The following SPINT4 variants were observed in gnomAD, a reference collection of about 807,000 sequenced individuals.
SPINT4 encodes the protein kunitz-type protease inhibitor 4.
A neutral mutation model predicts 9.4 loss-of-function variants in SPINT4; 7 were observed. The ratio of observed to expected loss-of-function variants is 0.74; its 90% CI spans 0.42 to 1.40. The LOEUF (loss-of-function observed/expected upper bound fraction) is 1.40, where lower values mean the gene tolerates loss of function less well. Ranked by LOEUF, SPINT4 falls within the 40% of genes most tolerant of loss-of-function variation. The pLI is 0.01. For synonymous variants in SPINT4, 36 were observed against 39.9 expected (o/e 0.90, Z 0.37); for missense variants, 105 against 114.4 (o/e 0.92, Z 0.37).
chr20:45,723,809 G>A, intron 1 of SPINT4, 71 bp from the exon 2 acceptor site: 2 of 1,282,532 alleles, frequency 1.6e-6, no homozygotes, highest in East Asian at 5.2e-5. Flanking sequence ...ATTTTTAAGG[G>A]CCCATAAAGA....
chr20:45,723,831 G>A, intron 1 of SPINT4, 49 bp from the exon 2 acceptor site: 2 of 1,474,622 alleles, frequency 1.4e-6, no homozygotes, highest in South Asian at 2.8e-5. Flanking sequence ...AAGTTCTCCT[G>A]CTGAGTCCTT....
At chr20:45,722,526 A>C (rs1339081035) in intron 1 of SPINT4, 44 bp downstream of exon 1, 1 of 1,396,164 alleles carries the variant, frequency 7.2e-7, no homozygotes, top group East Asian at 2.3e-5. Context: ...TCAATTATGA[A>C]TGAGAGAGAA....
chr20:45,723,807 G>A (rs1984858540), intron 1 of SPINT4, 73 bp from the exon 2 acceptor site: 2 of 1,265,620 alleles, frequency 1.6e-6, no homozygotes, highest in South Asian at 1.6e-5. Context: ...GAATTTTTAA[G>A]GGCCCATAAA....
chr20:45,723,352 G>A (rs1035599294), intron 1 of SPINT4, among the ~76,000 whole-genome samples: 1 of 152,054 alleles, frequency 6.6e-6, no homozygotes, highest in Admixed American at 6.6e-5. Flanking sequence ...GAGGATGAAC[G>A]AGCATCACCC....
At chr20:45,722,641 A>AG (rs1397788862) in intron 1 of SPINT4, among the ~76,000 whole-genome samples, 159 bp downstream of exon 1, 1 of 152,084 alleles carries the variant, frequency 6.6e-6, no homozygotes, top group Non-Finnish European at 1.5e-5. Context: ...TACTTACACT[A>AG]GGGGTCCTCT....
intron 2 of SPINT4, among the ~76,000 whole-genome samples, chr20:45,725,053 T>A (rs1273964347): frequency 7.0e-6 from 1 of 143,762 alleles, no homozygotes; most frequent in Non-Finnish European, 1.5e-5. Flanking sequence ...ATTATTTTTA[T>A]GTGACAGATG....
In SPINT4 at chr20:45,722,407, A is replaced by G. The variant is rs1353958676; in HGVS notation, c.40A>G (p.Ile14Val). 3 of 1,613,680 alleles carry G rather than the reference A, an allele frequency of 1.9e-6. No individual in the cohort carries two copies. The highest frequency in any genetic ancestry group is 1.7e-5 in the Admixed American group (1 of 60,002). ...AKLGFLLRFF[I>V]FCSLNTLLLG... Reference sequence around the variant, plus strand: ...GCTGGGATTTCTTCTAAGATTCTTCATCTTCTGCTCATTGAATACCCTGTT... The same window carrying G: ...GCTGGGATTTCTTCTAAGATTCTTCGTCTTCTGCTCATTGAATACCCTGTT... The change falls in exon 1 of 3, where the codon ATC becomes GTC. Residue 14 changes from isoleucine to valine, a missense_variant. Transcript: ENST00000279058.
rs6032474 is a variant in SPINT4, at chr20:45,725,733, G to A, written c.*98G>A. ...GAAATCTTTGTAATATTTCCATAAT[G>A]CTTTAAGCTTCCATATGTTTGCTAT... On this transcript the variant is annotated 3_prime_UTR_variant, in exon 3 of 3. Transcript: ENST00000279058. 589,991 of 1,481,854 alleles carry A rather than the reference G, an allele frequency of 0.4. 124,947 individuals carry two copies. The highest frequency in any genetic ancestry group is 0.68 in the African/African-American group (49,135 of 72,412). The allele number at this position is 1,481,854 out of a possible 1,614,324, so 91.8% of individuals were successfully genotyped here.
rs1978370747 is a variant in SPINT4 at position 45,725,740 on chromosome 20, G to T, written c.*105G>T. The T allele has an allele frequency of 1.4e-6, 2 of 1,443,390 alleles. No homozygotes were observed. Among genetic ancestry groups the T allele is most frequent in the Non-Finnish European group, 9.7e-7 (1 of 1,028,320 alleles). 89.4% of individuals were successfully genotyped at this position (1,443,390 alleles called of 1,614,324 possible). Reference sequence around the variant, plus strand: ...TTGTAATATTTCCATAATGCTTTAAGCTTCCATATGTTTGCTATTTTCCTG... The same window carrying T: ...TTGTAATATTTCCATAATGCTTTAATCTTCCATATGTTTGCTATTTTCCTG... On this transcript the variant is annotated 3_prime_UTR_variant, in exon 3 of 3. Transcript: ENST00000279058.
At chr20:45,725,555 A>T (rs1242167259) in intron 2 of SPINT4, 74 bp from the exon 3 acceptor site, 30 of 1,518,430 alleles carry the variant, frequency 2.0e-5, no homozygotes, top group Non-Finnish European at 2.7e-5. Flanking sequence ...ATAAAAAATG[A>T]CCTGCATTAA....
In SPINT4 at chr20:45,723,882, C is replaced by A. The variant is rs545308817; in HGVS notation, c.118C>A (p.Pro40Thr). The A allele has an allele frequency of 6.3e-7, 1 of 1,584,194 alleles. No homozygotes were observed. Among genetic ancestry groups the A allele is most frequent in the East Asian group, 2.3e-5 (1 of 43,410 alleles). The change falls in exon 2 of 3, where the codon CCC becomes ACC. Residue 40 changes from proline to threonine, a missense_variant and splice_region_variant. Transcript: ENST00000279058. ...AEKICGDLKD[P>T]CKLDMNFGSC... ...CTCAATGGGAACCTCTCATGCAGATCCCTGCAAATTGGACATGAATTTTGG... is the reference window on the plus strand; with the variant it reads ...CTCAATGGGAACCTCTCATGCAGATACCTGCAAATTGGACATGAATTTTGG...
At position 45,722,523 on chromosome 20, in the gene SPINT4, T is replaced by C. The variant is rs773223355; in HGVS notation, c.115+41T>C. 28 of 1,415,324 alleles carry C rather than the reference T, an allele frequency of 2.0e-5. No individual in the cohort carries two copies. The African/African-American group carries it at 3.4e-4, about 17-fold the overall frequency. The allele number at this position is 1,415,324 out of a possible 1,614,324, so 87.7% of individuals were successfully genotyped here. On this transcript the variant is annotated intron_variant, in intron 1 of 2. Coordinates refer to ENST00000279058, the MANE Select transcript of SPINT4 (RefSeq NM_178455.3). The stretch of plus-strand genomic sequence containing the variant: ...AGAAAATAAATCCAAAGGTCAATTA[T>C]GAATGAGAGAGAAGGTATTGGGAGA...
intron 2 of SPINT4, 134 bp from the exon 3 acceptor site, chr20:45,725,495 A>T (rs1032425367): frequency 1.3e-5 from 12 of 900,230 alleles, no homozygotes; most frequent in Non-Finnish European, 2.2e-5. Flanking sequence ...ATTAATCAAT[A>T]AAATAAGGGA....
intron 2 of SPINT4, among the ~76,000 whole-genome samples, chr20:45,725,001 T>A (rs1251587152): frequency 0.018 from 1,672 of 92,782 alleles, 146 homozygotes; most frequent in East Asian, 0.11. Flanking sequence ...AAAAAATATA[T>A]ATATATATAT....
intron 1 of SPINT4, 107 bp downstream of exon 1, chr20:45,722,589 A>G: frequency 1.3e-6 from 1 of 785,294 alleles, no homozygotes; most frequent in Non-Finnish European, 2.2e-6. Flanking sequence ...TCTTCCTTTC[A>G]TGACAATACC....
At chr20:45,722,763 A>C (rs78015895) in intron 1 of SPINT4, among the ~76,000 whole-genome samples, 1 of 152,114 alleles carries the variant, frequency 6.6e-6, no homozygotes, top group Non-Finnish European at 1.5e-5. Flanking sequence ...TTGTGTGACA[A>C]ATTTCAAAGA....
In SPINT4 at chr20:45,723,966, A is replaced by T. The variant is rs761589409; in HGVS notation, c.202A>T (p.Thr68Ser). 1 of 1,610,086 alleles carries T rather than the reference A, an allele frequency of 6.2e-7. No individual in the cohort carries two copies. The highest frequency in any genetic ancestry group is 8.5e-7 in the Non-Finnish European group (1 of 1,178,872). ...FYNRTSKRCE[T>S]FVFSGCNGNL... ...CAACAGAACCTCCAAAAGATGTGAA[A>T]CTTTTGTCTTCTCCGGCTGTAATGG... Residue 68 changes from threonine to serine, a missense_variant, in exon 2 of 3, where the codon ACT (threonine) becomes TCT (serine). Thr to Ser is a moderately conservative substitution (Grantham distance 58). Coordinates refer to ENST00000279058, the MANE Select transcript of SPINT4 (RefSeq NM_178455.3).
At chr20:45,725,005 T>TATAA (rs1984906238) in intron 2 of SPINT4, among the ~76,000 whole-genome samples, 1 of 109,160 alleles carries the variant, frequency 9.2e-6, no homozygotes, top group Non-Finnish European at 1.7e-5. Flanking sequence ...AATATATATA[T>TATAA]ATATATATAT....
rs1171410801 is a variant in SPINT4 at position 45,723,875 on chromosome 20, T to C, written c.116-5T>C. 5 of 1,581,036 alleles carry C rather than the reference T, an allele frequency of 3.2e-6. No homozygotes were observed. The highest frequency in any genetic ancestry group is 1.4e-5 in the African/African-American group (1 of 72,104). The stretch of plus-strand genomic sequence containing the variant: ...CCACTAACTCAATGGGAACCTCTCA[T>C]GCAGATCCCTGCAAATTGGACATGA... On this transcript the variant is annotated splice_polypyrimidine_tract_variant and splice_region_variant and intron_variant, in intron 1 of 2. Coordinates refer to ENST00000279058, the MANE Select transcript of SPINT4 (RefSeq NM_178455.3).
Sources: allele counts gnomAD v4.1 joint callset (sites outside exome capture counted in the v4.1 genomes callset), GRCh38; gene constraint gnomAD v4.1.1; transcripts MANE v1.5; gene names NCBI Gene and HGNC (gene_info 2026-07-23, HGNC 2026-07-21).